The following ADAMTS6 variants were observed in gnomAD, a reference collection of about 807,000 sequenced individuals.
ADAMTS6 encodes the protein ADAM metallopeptidase with thrombospondin type 1 motif 6, also known as A disintegrin and metalloproteinase with thrombospondin motifs 6.
In ADAMTS6, 23 loss-of-function variants were observed where a neutral mutation model predicts 144.3. That is an observed-to-expected ratio of 0.16 (90% CI 0.11 to 0.23). The LOEUF (loss-of-function observed/expected upper bound fraction) is 0.23, where lower values mean the gene tolerates loss of function less well. Among genes scored for constraint, ADAMTS6 ranks in the 10% least tolerant of loss-of-function variants. ADAMTS6 has a pLI of 1.00. For synonymous variants in ADAMTS6, 444 were observed against 457.5 expected, an observed-to-expected ratio of 0.97 and a Z score of 0.38; for missense variants, 999 against 1,379.6, an observed-to-expected ratio of 0.72 and a Z score of 4.37.
At chr5:65,273,620 T>C (rs1195926111) in intron 11 of ADAMTS6, among the ~76,000 whole-genome samples, 173 bp from the exon 12 acceptor site, 2 of 152,230 alleles carry the variant, frequency 1.3e-5, no homozygotes, top group African/African-American at 2.4e-5. Flanking sequence ...TCTTGCAGTA[T>C]CATTTAACTA....
At chr5:65,203,773 G>C (rs1024010810) in intron 20 of ADAMTS6, among the ~76,000 whole-genome samples, 1 of 152,096 alleles carries the variant, frequency 6.6e-6, no homozygotes, top group Non-Finnish European at 1.5e-5. Context: ...TTTTTAAAAG[G>C]CTTTGTTTTT....
At chr5:65,290,316 C>G (rs1742172862) in intron 11 of ADAMTS6, among the ~76,000 whole-genome samples, 1 of 152,034 alleles carries the variant, frequency 6.6e-6, no homozygotes, top group Non-Finnish European at 1.5e-5. Context: ...TTTGGGAGGC[C>G]AAGGTGGGCA....
At chr5:65,233,889 C>T (rs1437909530) in intron 15 of ADAMTS6, among the ~76,000 whole-genome samples, 2 of 151,880 alleles carry the variant, frequency 1.3e-5, no homozygotes, top group Non-Finnish European at 2.9e-5. Context: ...ATATTACTAA[C>T]CTGTAGCAAT....
chr5:65,194,428 G>T (rs1755207627), intron 21 of ADAMTS6, among the ~76,000 whole-genome samples: 1 of 152,132 alleles, frequency 6.6e-6, no homozygotes, highest in Non-Finnish European at 1.5e-5. Flanking sequence ...AGATGATTTT[G>T]CCCAATGGTA....
rs1389123495 is a variant in ADAMTS6 at position 65,299,567 on chromosome 5, GT to G, written c.1370+417del. Among the ~76,000 whole-genome samples the G allele has an allele frequency of 7.3e-5, 11 of 151,076 alleles. No individual in the cohort carries two copies. The East Asian group carries it at 1.7e-3, about 24-fold the overall frequency. On this transcript the variant is annotated intron_variant, in intron 10 of 24. Coordinates refer to ENST00000381055, the MANE Select transcript of ADAMTS6 (RefSeq NM_197941.4). ...AAAGTGTTCATTTCCTTGGTGTTTG[GT>G]TTTTTTTTGTTGTTGTTGTTGTTTG...
intron 7 of ADAMTS6, among the ~76,000 whole-genome samples, chr5:65,368,273 C>T (rs573106272): frequency 2.6e-5 from 4 of 152,164 alleles, no homozygotes; most frequent in African/African-American, 7.2e-5. Context: ...CCAGCAACAG[C>T]ATTTCTTTTG....
chr5:65,304,641 A>C (rs553535525), intron 9 of ADAMTS6, among the ~76,000 whole-genome samples: 1 of 152,166 alleles, frequency 6.6e-6, no homozygotes, highest in Non-Finnish European at 1.5e-5. Flanking sequence ...TATGTTACCC[A>C]GGCTGATCTC....
chr5:65,206,477 A>T (rs539539977), intron 20 of ADAMTS6, among the ~76,000 whole-genome samples: 1 of 152,162 alleles, frequency 6.6e-6, no homozygotes, highest in South Asian at 2.1e-4. Flanking sequence ...AGGCAGGTGG[A>T]TTGCCTGGGT....
chr5:65,306,290 C>G (rs1007450672), intron 9 of ADAMTS6, among the ~76,000 whole-genome samples: 3 of 152,158 alleles, frequency 2.0e-5, no homozygotes, highest in Non-Finnish European at 4.4e-5. Flanking sequence ...TTTAATAAAA[C>G]TAATAATTTT....
intron 15 of ADAMTS6, among the ~76,000 whole-genome samples, chr5:65,236,865 A>G (rs940638839): frequency 3.9e-5 from 6 of 152,242 alleles, no homozygotes; most frequent in African/African-American, 4.8e-5. Context: ...AAGAGTACCA[A>G]AGCCAAAATT....
intron 20 of ADAMTS6, among the ~76,000 whole-genome samples, chr5:65,209,548 C>A (rs570972335): frequency 6.6e-6 from 1 of 152,286 alleles, no homozygotes; most frequent in East Asian, 1.9e-4. Flanking sequence ...CCAATGTTTC[C>A]TGTAGCATTA....
At chr5:65,249,432 G>A (rs1038962052) in intron 14 of ADAMTS6, among the ~76,000 whole-genome samples, 2 of 152,130 alleles carry the variant, frequency 1.3e-5, no homozygotes, top group African/African-American at 4.8e-5. Context: ...CCACCCTAAG[G>A]GAAGAATCAT....
intron 24 of ADAMTS6, among the ~76,000 whole-genome samples, chr5:65,163,741 G>A (rs1026219025): frequency 6.6e-6 from 1 of 152,068 alleles, no homozygotes; most frequent in Non-Finnish European, 1.5e-5. Flanking sequence ...GCGGCTTCAG[G>A]TGTTGTTCAT....
intron 9 of ADAMTS6, among the ~76,000 whole-genome samples, chr5:65,319,746 AAGGAAGGAAGG>A (rs1745399095): frequency 6.7e-5 from 4 of 60,068 alleles, no homozygotes; most frequent in African/African-American, 1.9e-4. Flanking sequence ...GGAGGGAAGG[AAGGAAGGAAGG>A]AAGGAAGGAA....
chr5:65,223,645 T>G (rs1757491447), intron 18 of ADAMTS6, among the ~76,000 whole-genome samples: 1 of 152,150 alleles, frequency 6.6e-6, no homozygotes, highest in East Asian at 1.9e-4. Flanking sequence ...AGTTTCCTTG[T>G]TTTTTTAAGG....
intron 7 of ADAMTS6, among the ~76,000 whole-genome samples, chr5:65,392,069 CCTTT>C (rs1752966712): frequency 1.3e-5 from 2 of 152,034 alleles, no homozygotes; most frequent in African/African-American, 2.4e-5. Context: ...CACCATCTTC[CCTTT>C]CTTTTAATAA....
chr5:65,454,803 C>A (rs190564386), intron 4 of ADAMTS6, among the ~76,000 whole-genome samples: 1 of 152,124 alleles, frequency 6.6e-6, no homozygotes, highest in African/African-American at 2.4e-5. Flanking sequence ...TGAATGCTGC[C>A]ACAACTATGG....
chr5:65,286,663 T>C (rs2287905), intron 11 of ADAMTS6, among the ~76,000 whole-genome samples: 44,846 of 152,056 alleles, frequency 0.29, 6,815 homozygotes, highest in Admixed American at 0.37. Context: ...TGTTAACCTA[T>C]ACTGAACCAT....
At position 65,303,839 on chromosome 5, in the gene ADAMTS6, A is replaced by T. The variant is rs1030630550; in HGVS notation, c.1224-3708T>A. ...CTATGGCATTTAGATTAAACTGCAT[A>T]TACTTAAGAGAGGGATATATCAATT... is the stretch of plus-strand genomic sequence containing the variant. On this transcript the variant is annotated intron_variant, in intron 9 of 24. Coordinates refer to ENST00000381055, the MANE Select transcript of ADAMTS6 (RefSeq NM_197941.4). Among the ~76,000 whole-genome samples, 3 of 152,142 alleles carry T rather than the reference A, an allele frequency of 2.0e-5. No individual in the cohort carries two copies. The South Asian group carries it at 6.2e-4, about 31-fold the overall frequency.
Sources: allele counts gnomAD v4.1 joint callset (sites outside exome capture counted in the v4.1 genomes callset), GRCh38; gene constraint gnomAD v4.1.1; transcripts MANE v1.5; gene names NCBI Gene and HGNC (gene_info 2026-07-23, HGNC 2026-07-21).